The following PTPRD variants were observed in gnomAD, a reference collection of about 807,000 sequenced individuals.
PTPRD encodes receptor-type tyrosine-protein phosphatase delta.
A neutral mutation model predicts 214.5 loss-of-function variants in PTPRD; 34 were observed. The observed-to-expected ratio is 0.16, with a 90% CI of 0.12 to 0.21. The LOEUF (loss-of-function observed/expected upper bound fraction) is 0.21. PTPRD is among the 10% of genes least tolerant of loss of function. The probability of loss-of-function intolerance (pLI) is 1.00; values close to 1 mark genes in which losing one functional copy is unlikely to be tolerated. For missense variants in PTPRD, 2,545 were observed against 2,398.7 expected, an observed-to-expected ratio of 1.06 and a Z score of -1.27; for synonymous variants, 1,128 against 845.7, an observed-to-expected ratio of 1.33 and a Z score of -5.79.
In PTPRD at chr9:9,119,940, A is replaced by G. The variant is rs545810897; in HGVS notation, c.-143+63364T>C. Among the ~76,000 whole-genome samples the G allele has an allele frequency of 8.0e-4, 122 of 152,212 alleles. 1 individual carries two copies. The South Asian group carries it at 0.025, about 31-fold the overall frequency. On this transcript the variant is annotated intron_variant, in intron 10 of 45. Transcript: ENST00000381196. Reference sequence around the variant, plus strand: ...CTCTGACTAGATCGCTATGCATTATATACATTAAAAAAATTCTCATGCACT... The same window carrying G: ...CTCTGACTAGATCGCTATGCATTATGTACATTAAAAAAATTCTCATGCACT...
chr9:10,119,305 C>G (rs923469974), intron 3 of PTPRD, among the ~76,000 whole-genome samples: 2 of 151,896 alleles, frequency 1.3e-5, no homozygotes, highest in East Asian at 3.9e-4. Context: ...CTCTGGTCAT[C>G]CAAAGACAGA....
chr9:9,788,638 A>G (rs936156678), intron 5 of PTPRD, among the ~76,000 whole-genome samples: 2 of 152,026 alleles, frequency 1.3e-5, no homozygotes, highest in African/African-American at 4.8e-5. Flanking sequence ...TCCCGTAGAC[A>G]CAGTATATAA....
At chr9:10,108,368 T>C (rs539485515) in intron 3 of PTPRD, among the ~76,000 whole-genome samples, 1 of 152,206 alleles carries the variant, frequency 6.6e-6, no homozygotes, top group East Asian at 1.9e-4. Context: ...GTACAGTATA[T>C]TGTTATTAAC....
At chr9:9,438,094 C>T (rs757048978) in intron 8 of PTPRD, among the ~76,000 whole-genome samples, 72 of 152,026 alleles carry the variant, frequency 4.7e-4, no homozygotes, top group Non-Finnish European at 9.4e-4. Context: ...ATCCTAATGT[C>T]CTCTTCTCAT....
At chr9:10,208,623 C>G (rs761098115) in intron 3 of PTPRD, among the ~76,000 whole-genome samples, 1 of 152,234 alleles carries the variant, frequency 6.6e-6, no homozygotes, top group African/African-American at 2.4e-5. Context: ...CTTTTAATTT[C>G]TACAACTCTA....
Position 9,559,835 on chromosome 9 carries a change from G to A in PTPRD, c.-237+14897C>T, listed in dbSNP as rs573827855. Reference sequence around the variant, plus strand: ...ACCCTCAGAATATCCTCAGGCATGGGAGAGACATAAGCGGTGCATAAGTGG... The same window carrying A: ...ACCCTCAGAATATCCTCAGGCATGGAAGAGACATAAGCGGTGCATAAGTGG... On this transcript the variant is annotated intron_variant, in intron 8 of 45. Coordinates refer to ENST00000381196, the MANE Select transcript of PTPRD (RefSeq NM_002839.4). 2.0e-5 allele frequency among the ~76,000 whole-genome samples: 3 copies of A among 152,300 alleles called. No homozygotes were observed. The East Asian group carries it at 5.8e-4, about 29-fold the overall frequency.
At chr9:10,587,382 G>C (rs2074201713) in intron 2 of PTPRD, among the ~76,000 whole-genome samples, 1 of 152,074 alleles carries the variant, frequency 6.6e-6, no homozygotes, top group Admixed American at 6.6e-5. Flanking sequence ...TCATTGATTA[G>C]AGTTTAATGA....
chr9:8,856,590 G>A (rs1454514297), intron 11 of PTPRD, among the ~76,000 whole-genome samples: 1 of 152,146 alleles, frequency 6.6e-6, no homozygotes, highest in East Asian at 1.9e-4. Context: ...GAGCCCTCAG[G>A]AATCTTCCTA....
intron 12 of PTPRD, among the ~76,000 whole-genome samples, chr9:8,705,886 C>A (rs2098195517): frequency 1.3e-5 from 2 of 152,132 alleles, no homozygotes; most frequent in African/African-American, 4.8e-5. Context: ...TTTCCATGAG[C>A]AGAGTTCTCT....
chr9:9,334,515 T>C (rs1166983654), intron 9 of PTPRD, among the ~76,000 whole-genome samples: 1 of 152,020 alleles, frequency 6.6e-6, no homozygotes. Context: ...AAATATTTGA[T>C]GGTCTGGTGG....
chr9:10,282,861 A>T (rs2095194425), intron 3 of PTPRD, among the ~76,000 whole-genome samples: 1 of 152,136 alleles, frequency 6.6e-6, no homozygotes, highest in Admixed American at 6.6e-5. Context: ...GCATACCCTG[A>T]TACACGTGTA....
chr9:9,701,063 G>A (rs186050423), intron 7 of PTPRD, among the ~76,000 whole-genome samples: 268 of 151,870 alleles, frequency 1.8e-3, no homozygotes, highest in Middle Eastern at 3.4e-3. Context: ...AAATTGAATA[G>A]GTATTCCCCC....
At chr9:8,411,994 T>C (rs911958376) in intron 35 of PTPRD, among the ~76,000 whole-genome samples, 4 of 152,220 alleles carry the variant, frequency 2.6e-5, no homozygotes, top group Non-Finnish European at 4.4e-5. Flanking sequence ...TAGAAAGTTA[T>C]TAAACTGCTT....
At chr9:10,393,478 A>G (rs2098111162) in intron 2 of PTPRD, among the ~76,000 whole-genome samples, 1 of 151,554 alleles carries the variant, frequency 6.6e-6, no homozygotes, top group African/African-American at 2.4e-5. Flanking sequence ...TGCAAAAGAG[A>G]AAGAGAAATG....
At chr9:9,011,253 C>G (rs1008731645) in intron 11 of PTPRD, among the ~76,000 whole-genome samples, 4 of 152,082 alleles carry the variant, frequency 2.6e-5, no homozygotes, top group Admixed American at 1.3e-4. Flanking sequence ...CCAACACTCT[C>G]TTTTTTGGGG....
chr9:8,968,079 T>A (rs556802534), intron 11 of PTPRD, among the ~76,000 whole-genome samples: 33 of 152,216 alleles, frequency 2.2e-4, no homozygotes, highest in Non-Finnish European at 4.0e-4. Flanking sequence ...ACAAAGGACA[T>A]GAACTCATCC....
intron 11 of PTPRD, among the ~76,000 whole-genome samples, chr9:8,787,759 C>A (rs1021506398): frequency 1.3e-5 from 2 of 152,080 alleles, no homozygotes; most frequent in Non-Finnish European, 2.9e-5. Flanking sequence ...TACATCTTTG[C>A]AAGTATGTGT....
chr9:9,195,437 A>C (rs539210787), intron 9 of PTPRD, among the ~76,000 whole-genome samples: 2 of 152,246 alleles, frequency 1.3e-5, no homozygotes, highest in African/African-American at 4.8e-5. Flanking sequence ...ATACAGGCCA[A>C]TTGGTCATAT....
chr9:9,829,148 C>T (rs550070614), intron 5 of PTPRD, among the ~76,000 whole-genome samples: 9 of 151,838 alleles, frequency 5.9e-5, no homozygotes, highest in East Asian at 3.9e-4. Context: ...AAGAATATTA[C>T]GTAGAACATT....
Sources: gnomAD v4.1 joint callset for allele counts (sites outside exome capture counted in the v4.1 genomes callset) on GRCh38, gnomAD v4.1.1 for gene constraint, MANE v1.5 for transcripts, NCBI Gene and HGNC (gene_info 2026-07-23, HGNC 2026-07-21) for gene names.